Variants in NEGR1 observed in about 807,000 individuals in gnomAD.
NEGR1 encodes neuronal growth regulator 1.
In NEGR1, 10 loss-of-function variants were observed where a neutral mutation model predicts 40.9. That is an observed-to-expected ratio of 0.24 (90% CI 0.15 to 0.42). The LOEUF (loss-of-function observed/expected upper bound fraction) is 0.42, where lower values mean the gene tolerates loss of function less well. Among genes scored for constraint, NEGR1 ranks in the 10% least tolerant of loss-of-function variants. The pLI is 1.00. For missense variants in NEGR1, 352 were observed against 438.9 expected, an observed-to-expected ratio of 0.80 and a Z score of 1.77; for synonymous variants, 185 against 166.8, an observed-to-expected ratio of 1.11 and a Z score of -0.84.
At chr1:71,756,407 C>CAAAAAAAAAAAAAAAAAAAA (rs869043335) in intron 3 of NEGR1, among the ~76,000 whole-genome samples, 9 of 45,710 alleles carry the variant, frequency 2.0e-4, no homozygotes, top group South Asian at 7.0e-4. Context: ...AAAACAAAAA[C>CAAAAAAAAAAAAAAAAAAAA]AAACAAAAAA....
chr1:72,244,691 G>A (rs74979208), intron 1 of NEGR1, among the ~76,000 whole-genome samples: 152 of 151,990 alleles, frequency 1.0e-3, no homozygotes, highest in Admixed American at 2.5e-3. Context: ...TGTATCTCCT[G>A]TTAGGCTCCT....
At chr1:71,971,278 T>C (rs1231683986) in intron 1 of NEGR1, among the ~76,000 whole-genome samples, 1 of 152,216 alleles carries the variant, frequency 6.6e-6, no homozygotes, top group Non-Finnish European at 1.5e-5. Flanking sequence ...ACATTTAATA[T>C]TTGTTTTTGT....
At chr1:71,725,730 A>T (rs1000695582) in intron 3 of NEGR1, among the ~76,000 whole-genome samples, 2 of 152,036 alleles carry the variant, frequency 1.3e-5, no homozygotes, top group African/African-American at 4.8e-5. Context: ...ACTCTGATGG[A>T]TCTAAACTTG....
intron 6 of NEGR1, among the ~76,000 whole-genome samples, chr1:71,527,897 G>C (rs1016709536): frequency 3.3e-5 from 5 of 151,368 alleles, no homozygotes; most frequent in Non-Finnish European, 7.4e-5. Context: ...AATTTTGGTA[G>C]AAAATTAATT....
chr1:71,783,847 C>T (rs1656809918), intron 2 of NEGR1, among the ~76,000 whole-genome samples: 1 of 124,282 alleles, frequency 8.0e-6, no homozygotes, highest in African/African-American at 2.5e-5. Flanking sequence ...CCCGTCCATC[C>T]ATCCATCCAT....
rs145149694 is a variant in NEGR1 at position 71,549,411 on chromosome 1, A to G, written c.940+43406T>C. On this transcript the variant is annotated intron_variant, in intron 6 of 6. Transcript: ENST00000357731. ...CACTGGTTCCTCCATGCTTTGGCACAGAAGCCCCACGATCAAAATTGCTCA... is the reference window on the plus strand; with the variant it reads ...CACTGGTTCCTCCATGCTTTGGCACGGAAGCCCCACGATCAAAATTGCTCA... Among the ~76,000 whole-genome samples, 490 of 151,868 alleles carry G rather than the reference A, an allele frequency of 3.2e-3. 3 individuals carry two copies. The highest frequency in any genetic ancestry group is 0.011 in the African/African-American group (452 of 41,526).
At chr1:72,206,065 T>A (rs1653387612) in intron 1 of NEGR1, among the ~76,000 whole-genome samples, 1 of 151,368 alleles carries the variant, frequency 6.6e-6, no homozygotes, top group Non-Finnish European at 1.5e-5. Flanking sequence ...CATGGTTTGG[T>A]GGAGAAAGCA....
chr1:71,506,432 T>G (rs572548451), intron 6 of NEGR1, among the ~76,000 whole-genome samples: 48 of 152,230 alleles, frequency 3.2e-4, no homozygotes, highest in Admixed American at 2.7e-3. Flanking sequence ...GTGCAAGCAG[T>G]AGCTGCCACA....
At chr1:72,144,831 A>G (rs2100342939) in intron 1 of NEGR1, among the ~76,000 whole-genome samples, 1 of 152,168 alleles carries the variant, frequency 6.6e-6, no homozygotes, top group East Asian at 1.9e-4. Context: ...TCTTAAAACC[A>G]ACATAAAGAT....
At chr1:72,125,944 G>T (rs1649998311) in intron 1 of NEGR1, among the ~76,000 whole-genome samples, 2 of 152,080 alleles carry the variant, frequency 1.3e-5, no homozygotes, top group Admixed American at 1.3e-4. Flanking sequence ...TTACATTCTG[G>T]TGTCCCTCAG....
chr1:72,100,312 T>C (rs1648885265), intron 1 of NEGR1, among the ~76,000 whole-genome samples: 2 of 152,272 alleles, frequency 1.3e-5, no homozygotes, highest in South Asian at 2.1e-4. Flanking sequence ...TACATGCATG[T>C]CCTTGTTTTT....
intron 1 of NEGR1, among the ~76,000 whole-genome samples, chr1:72,227,038 G>C (rs1222006808): frequency 6.6e-6 from 1 of 151,966 alleles, no homozygotes; most frequent in East Asian, 1.9e-4. Context: ...ATGAATTTAA[G>C]AATATCCACA....
chr1:71,400,434 CCT>C lies in NEGR1; in HGVS notation c.*7010_*7011del, dbSNP rs1452985122. The C allele has an allele frequency of 2.0e-5, 3 of 150,624 alleles. No homozygotes were observed. Among genetic ancestry groups the C allele is most frequent in the Non-Finnish European group, 4.4e-5 (3 of 67,796 alleles). 9.3% of individuals were successfully genotyped at this position (150,624 alleles called of 1,614,324 possible). On this transcript the variant is annotated 3_prime_UTR_variant, in exon 7 of 7. Coordinates refer to ENST00000357731, the MANE Select transcript of NEGR1 (RefSeq NM_173808.3). ...CCTGTTATACCATGAATTAAATGCC[CCT>C]GTGACAAAAAAAAAAAGACTTTTTC...
intron 6 of NEGR1, among the ~76,000 whole-genome samples, chr1:71,448,740 CACAA>C (rs1299325336): frequency 1.3e-5 from 2 of 152,142 alleles, no homozygotes; most frequent in Non-Finnish European, 2.9e-5. Flanking sequence ...CTGACAAAAA[CACAA>C]AGAAGGTCAA....
chr1:71,995,306 C>T (rs1200884837), intron 1 of NEGR1, among the ~76,000 whole-genome samples: 3 of 152,046 alleles, frequency 2.0e-5, no homozygotes, highest in Admixed American at 6.6e-5. Flanking sequence ...TAAACCCCTT[C>T]GTGCCATGTC....
At chr1:72,043,155 C>T (rs549754551) in intron 1 of NEGR1, among the ~76,000 whole-genome samples, 2 of 152,034 alleles carry the variant, frequency 1.3e-5, no homozygotes, top group Non-Finnish European at 2.9e-5. Context: ...AAGCCTCCTC[C>T]TCCAAAGTCC....
At chr1:72,236,655 A>C (rs1305278491) in intron 1 of NEGR1, among the ~76,000 whole-genome samples, 1 of 151,958 alleles carries the variant, frequency 6.6e-6, no homozygotes, top group Non-Finnish European at 1.5e-5. Context: ...CATTCTGTAA[A>C]AGAGGAATAA....
Position 71,705,717 on chromosome 1 carries a change from AAAAAGAAAAGAAAG to A in NEGR1, c.536-7592_536-7579del, listed in dbSNP as rs369391860. Among the ~76,000 whole-genome samples the A allele has an allele frequency of 3.1e-3, 466 of 152,136 alleles. 4 individuals carry two copies. The highest frequency in any genetic ancestry group is 0.025 in the East Asian group (130 of 5,178). ...CCTGGGCGACAGAGTGAGACTCAGT[AAAAAGAAAAGAAAG>A]AAAAGAAAAGAAAGAAAAGAAAATA... On this transcript the variant is annotated intron_variant, in intron 3 of 6. Transcript: ENST00000357731.
intron 1 of NEGR1, among the ~76,000 whole-genome samples, chr1:72,278,771 G>A (rs887893418): frequency 6.6e-6 from 1 of 151,934 alleles, no homozygotes; most frequent in East Asian, 1.9e-4. Context: ...CTCCATACAA[G>A]ATTAACAAGT....
Sources: gnomAD v4.1 joint callset for allele counts (sites outside exome capture counted in the v4.1 genomes callset) on GRCh38, gnomAD v4.1.1 for gene constraint, MANE v1.5 for transcripts, NCBI Gene and HGNC (gene_info 2026-07-23, HGNC 2026-07-21) for gene names.